The following DOCK2 variants were observed in gnomAD, a reference collection of about 807,000 sequenced individuals.
DOCK2 encodes the protein dedicator of cytokinesis 2, also known as dedicator of cytokinesis protein 2.
DOCK2 carries 87 observed loss-of-function variants against 248.9 expected under a neutral mutation model. The ratio of observed to expected loss-of-function variants is 0.35; its 90% CI spans 0.29 to 0.42. The LOEUF is 0.42. Ranked by LOEUF, DOCK2 falls within the 10% of genes least tolerant of loss-of-function variation. DOCK2 has a pLI of 1.00. For missense variants in DOCK2, 1,747 were observed against 2,300.2 expected (o/e 0.76, Z 4.92); for synonymous variants, 805 against 821.6 (o/e 0.98, Z 0.35).
intron 32 of DOCK2, among the ~76,000 whole-genome samples, chr5:170,014,128 C>G (rs1007541530): frequency 6.6e-6 from 1 of 152,110 alleles, no homozygotes; most frequent in Non-Finnish European, 1.5e-5. Flanking sequence ...AGGGAGCAAC[C>G]AGCCCAAGCA....
At chr5:169,927,783 A>AT (rs1775543707) in intron 27 of DOCK2, among the ~76,000 whole-genome samples, 1 of 152,016 alleles carries the variant, frequency 6.6e-6, no homozygotes, top group Admixed American at 6.6e-5. Flanking sequence ...CGCCTGGCTA[A>AT]TTTTTTGTAT....
intron 27 of DOCK2, among the ~76,000 whole-genome samples, chr5:169,979,651 T>TA (rs1312418367): frequency 6.6e-6 from 1 of 152,172 alleles, no homozygotes; most frequent in East Asian, 1.9e-4. Context: ...TAGTCAGAAG[T>TA]AAAACACTGT....
chr5:169,755,349 G>A (rs922623504), intron 23 of DOCK2, among the ~76,000 whole-genome samples: 2 of 152,136 alleles, frequency 1.3e-5, no homozygotes, highest in African/African-American at 4.8e-5. Flanking sequence ...ATGTATGTGT[G>A]TTTTAAGTAT....
intron 27 of DOCK2, among the ~76,000 whole-genome samples, chr5:169,934,383 C>T (rs1304268546): frequency 6.6e-6 from 1 of 152,130 alleles, no homozygotes; most frequent in African/African-American, 2.4e-5. Flanking sequence ...CTGTGTTGTT[C>T]CCACTAATTT....
intron 8 of DOCK2, 87 bp downstream of exon 8, chr5:169,684,437 A>G: frequency 2.0e-6 from 3 of 1,492,184 alleles, no homozygotes; most frequent in Non-Finnish European, 2.7e-6. Context: ...CTTGTGGAGC[A>G]ATCTCCACCT....
At chr5:169,705,588 C>T (rs1230486799) in intron 14 of DOCK2, among the ~76,000 whole-genome samples, 1 of 152,154 alleles carries the variant, frequency 6.6e-6, no homozygotes, top group Non-Finnish European at 1.5e-5. Context: ...TTGTGAATAT[C>T]AGATGAGGTA....
chr5:169,890,147 G>A (rs1773199700), intron 27 of DOCK2, among the ~76,000 whole-genome samples: 1 of 152,282 alleles, frequency 6.6e-6, no homozygotes, highest in South Asian at 2.1e-4. Flanking sequence ...TGCCAGCCTC[G>A]GGGCTCTGGT....
intron 45 of DOCK2, among the ~76,000 whole-genome samples, chr5:170,068,519 TC>T (rs565494470): frequency 1.2e-3 from 189 of 152,282 alleles, no homozygotes; most frequent in African/African-American, 3.7e-3. Context: ...ACCTAATCAA[TC>T]CTTCCAACTA....
chr5:169,676,210 G>A (rs972402914), intron 6 of DOCK2, among the ~76,000 whole-genome samples: 2 of 152,174 alleles, frequency 1.3e-5, no homozygotes, highest in Non-Finnish European at 2.9e-5. Context: ...TGAAGGCCCT[G>A]AGTAGTAATT....
intron 27 of DOCK2, among the ~76,000 whole-genome samples, chr5:169,957,409 A>G (rs899769751): frequency 5.3e-5 from 8 of 152,226 alleles, no homozygotes; most frequent in African/African-American, 1.4e-4. Context: ...TAGGCACTCA[A>G]CCAATGTTAG....
intron 45 of DOCK2, among the ~76,000 whole-genome samples, chr5:170,068,183 A>G (rs1448931722): frequency 6.6e-6 from 1 of 152,226 alleles, no homozygotes; most frequent in Non-Finnish European, 1.5e-5. Flanking sequence ...GTCCCTCCAG[A>G]AAGCCCCACA....
chr5:170,036,530 A>G lies in DOCK2; in HGVS notation c.3640A>G (p.Asn1214Asp). 1 of 1,613,234 alleles carries G rather than the reference A, an allele frequency of 6.2e-7. No individual in the cohort carries two copies. The highest frequency in any genetic ancestry group is 8.5e-7 in the Non-Finnish European group (1 of 1,179,598). ...TVNLLNFYKD[N>D]NREEMYIRYL... ...CCCTACCTAGAATTTCTACAAAGATAACAACAGGGAGGAGATGTACATAAG... is the reference window on the plus strand; with the variant it reads ...CCCTACCTAGAATTTCTACAAAGATGACAACAGGGAGGAGATGTACATAAG... Residue 1214 changes from asparagine to aspartate, a missense_variant, in exon 36 of 52, where the codon AAC becomes GAC. Asn to Asp is a conservative substitution (Grantham distance 23, BLOSUM62 1). This residue lies in a region of DOCK2 where 858 missense variants were observed against 1,183.5 expected (regional missense o/e 0.72). Transcript: ENST00000520908.
At chr5:170,017,709 C>T (rs968630448) in intron 32 of DOCK2, among the ~76,000 whole-genome samples, 14 of 152,070 alleles carry the variant, frequency 9.2e-5, no homozygotes, top group Admixed American at 8.5e-4. Flanking sequence ...ACCGAGGCCC[C>T]GAGAAGGGAG....
rs1760875587 is a variant in DOCK2 at position 169,700,061 on chromosome 5, C to T, written c.1180C>T (p.Arg394Cys). 2.5e-6 allele frequency: 4 copies of T among 1,614,026 alleles called. No individual in the cohort carries two copies. Among genetic ancestry groups the T allele is most frequent in the South Asian group, 2.2e-5 (2 of 91,062 alleles). Reference sequence around the variant, plus strand: ...GCTGGTGGGTGACATCATTCAGATTCGCAAGGACTATCCACACCTGGTGGA... The same window carrying T: ...GCTGGTGGGTGACATCATTCAGATTTGCAAGGACTATCCACACCTGGTGGA... Reference protein sequence around the residue: ...KMLVGDIIQIRKDYPHLVDRT... With the variant: ...KMLVGDIIQICKDYPHLVDRT... The change falls in exon 13 of 52, where the codon CGC becomes TGC. Residue 394 changes from arginine (R) to cysteine (C), a missense_variant. Transcript: ENST00000520908.
At chr5:170,027,239 C>A (rs1417495992) in intron 33 of DOCK2, among the ~76,000 whole-genome samples, 1 of 152,008 alleles carries the variant, frequency 6.6e-6, no homozygotes, top group Admixed American at 6.5e-5. Flanking sequence ...AATTCTGGGA[C>A]CTGGGCAATG....
intron 30 of DOCK2, among the ~76,000 whole-genome samples, chr5:170,004,081 G>C (rs112482431): frequency 1.3e-5 from 2 of 152,190 alleles, no homozygotes; most frequent in Admixed American, 6.5e-5. Flanking sequence ...GAATTGAAAC[G>C]TATGTCCACA....
chr5:169,738,221 T>TCCTG (rs1561651015), intron 22 of DOCK2, among the ~76,000 whole-genome samples: 4 of 152,190 alleles, frequency 2.6e-5, no homozygotes, highest in African/African-American at 9.7e-5. Flanking sequence ...CTTAGGAATT[T>TCCTG]TTAAAGGATT....
At chr5:170,043,368 G>A (rs1756584726) in intron 38 of DOCK2, among the ~76,000 whole-genome samples, 1 of 152,144 alleles carries the variant, frequency 6.6e-6, no homozygotes, top group South Asian at 2.1e-4. Context: ...AGTAATAGCT[G>A]GTGAAATGTC....
At chr5:169,788,426 G>C (rs1249972073) in intron 25 of DOCK2, among the ~76,000 whole-genome samples, 1 of 152,158 alleles carries the variant, frequency 6.6e-6, no homozygotes, top group Non-Finnish European at 1.5e-5. Flanking sequence ...TCTTTTCAGA[G>C]CTAAGATTTC....
Sources: gnomAD v4.1 joint callset for allele counts (sites outside exome capture counted in the v4.1 genomes callset) on GRCh38, gnomAD v4.1.1 for gene constraint, gnomAD v4.1.1 regional missense constraint, MANE v1.5 for transcripts, NCBI Gene and HGNC (gene_info 2026-07-23, HGNC 2026-07-21) for gene names.